The following PBLD variants were observed in gnomAD, a reference collection of about 807,000 sequenced individuals.
The protein encoded by PBLD is phenazine biosynthesis-like domain-containing protein.
Under a neutral mutation model 31.3 loss-of-function variants are expected in PBLD, and 26 were observed. The observed-to-expected ratio is 0.83, with a 90% CI of 0.61 to 1.15. The LOEUF (loss-of-function observed/expected upper bound fraction) is 1.15, where lower values mean the gene tolerates loss of function less well. Ranked by LOEUF, PBLD falls within the 50% of genes most tolerant of loss-of-function variation. PBLD has a pLI of 0.00. For synonymous variants in PBLD, 114 were observed against 129.0 expected, an observed-to-expected ratio of 0.88 and a Z score of 0.79; for missense variants, 307 against 351.7, an observed-to-expected ratio of 0.87 and a Z score of 1.02.
At chr10:68,326,085 T>A (rs1343161452) in intron 1 of PBLD, among the ~76,000 whole-genome samples, 2 of 152,228 alleles carry the variant, frequency 1.3e-5, no homozygotes, top group Admixed American at 1.3e-4. Flanking sequence ...TTTTTGTTTT[T>A]TGAGATGGAG....
In PBLD at chr10:68,322,515, A is replaced by AC. The variant is rs201987660; in HGVS notation, c.-60+10268_-60+10269insG. Among the ~76,000 whole-genome samples, 92 of 151,560 alleles carry AC rather than the reference A, an allele frequency of 6.1e-4. No homozygotes were observed. In the East Asian group the frequency reaches 0.015, roughly 24 times the overall value. On this transcript the variant is annotated intron_variant, in intron 1 of 9. Transcript: ENST00000358769. ...ATCTCGACAAAAAATTAAAAAAAAA[A>AC]AAAACAGGCATGGTGGCACACACCT...
At chr10:68,290,209 G>T (rs1338259961) in intron 6 of PBLD, among the ~76,000 whole-genome samples, 1 of 152,072 alleles carries the variant, frequency 6.6e-6, no homozygotes, top group African/African-American at 2.4e-5. Context: ...GTGGCTTCAG[G>T]TTCTCTAATC....
chr10:68,328,134 G>A (rs1219295524), intron 1 of PBLD, among the ~76,000 whole-genome samples: 3 of 152,068 alleles, frequency 2.0e-5, no homozygotes, highest in African/African-American at 4.8e-5. Flanking sequence ...AGATACATAG[G>A]ATATAAACCA....
At chr10:68,288,154 T>C (rs2044311621) in intron 8 of PBLD, 1 of 283,382 alleles carries the variant, frequency 3.5e-6, no homozygotes, top group Non-Finnish European at 6.6e-6. Flanking sequence ...TGTGCTTTTA[T>C]AGCCCTATGA....
Position 68,308,845 on chromosome 10 carries a change from G to GGTGTGTGTGTGTGTGT in PBLD, c.-59-1958_-59-1943dup, listed in dbSNP as rs374363010. Among the ~76,000 whole-genome samples the GGTGTGTGTGTGTGTGT allele has an allele frequency of 6.4e-3, 838 of 130,380 alleles. 9 individuals are homozygous for GGTGTGTGTGTGTGTGT. Among genetic ancestry groups the GGTGTGTGTGTGTGTGT allele is most frequent in the African/African-American group, 0.016 (568 of 35,128 alleles). 85.5% of individuals were successfully genotyped at this position (130,380 alleles called of 152,430 possible). On this transcript the variant is annotated intron_variant, in intron 1 of 9. Transcript: ENST00000358769. ...GTGCCCCACTGCACCTGACCTGCAT[G>GGTGTGTGTGTGTGTGT]GTGTGTGTGTGTGTGTGTGTGTGTG...
At chr10:68,314,965 T>C (rs2134507616) in intron 1 of PBLD, among the ~76,000 whole-genome samples, 1 of 152,128 alleles carries the variant, frequency 6.6e-6, no homozygotes, top group South Asian at 2.1e-4. Context: ...AGGTTTTGTA[T>C]TTTTAGTTGA....
intron 1 of PBLD, among the ~76,000 whole-genome samples, chr10:68,325,609 A>G (rs943445441): frequency 2.0e-5 from 3 of 152,178 alleles, no homozygotes; most frequent in Non-Finnish European, 4.4e-5. Flanking sequence ...TTGATCATCA[A>G]TCTTAAAAGC....
chr10:68,285,096 A>T (rs994552958), intron 9 of PBLD: 1 of 1,310,326 alleles, frequency 7.6e-7, no homozygotes, highest in Non-Finnish European at 9.7e-7. Context: ...TTATACAGCT[A>T]TTTTATTCAA....
chr10:68,290,621 G>T (rs1444370429), intron 6 of PBLD, among the ~76,000 whole-genome samples: 1 of 152,098 alleles, frequency 6.6e-6, no homozygotes, highest in African/African-American at 2.4e-5. Flanking sequence ...CGAGGCTGAG[G>T]CAGGAGAATT....
At chr10:68,323,751 C>T (rs1011216095) in intron 1 of PBLD, among the ~76,000 whole-genome samples, 6 of 152,144 alleles carry the variant, frequency 3.9e-5, no homozygotes, top group African/African-American at 1.4e-4. Flanking sequence ...AAGTATCCCC[C>T]ACAAAAACAC....
intron 1 of PBLD, chr10:68,331,745 T>C (rs1325783433): frequency 1.3e-5 from 2 of 152,286 alleles, no homozygotes; most frequent in Non-Finnish European, 2.9e-5. Context: ...TCCAGAGCGC[T>C]ACGGCACGGT....
In PBLD at chr10:68,284,156, A is replaced by G; in HGVS notation, c.*21T>C. On this transcript the variant is annotated 3_prime_UTR_variant, in exon 10 of 10. Coordinates refer to ENST00000358769, the MANE Select transcript of PBLD (RefSeq NM_022129.4). Reference sequence around the variant, plus strand: ...AAAATACTTGGTGGTTAGAGACAGCAGCGTCACAGCATAACCACCTCTAGG... The same window carrying G: ...AAAATACTTGGTGGTTAGAGACAGCGGCGTCACAGCATAACCACCTCTAGG... The G allele has an allele frequency of 6.3e-7, 1 of 1,581,952 alleles. No homozygotes were observed. Among genetic ancestry groups the G allele is most frequent in the South Asian group, 1.1e-5 (1 of 89,654 alleles).
chr10:68,290,532 A>G (rs956993481), intron 6 of PBLD, among the ~76,000 whole-genome samples: 2 of 152,152 alleles, frequency 1.3e-5, no homozygotes, highest in Admixed American at 1.3e-4. Context: ...AGCCTGACCA[A>G]CATGGAGACA....
chr10:68,301,970 C>T (rs1374254281), intron 2 of PBLD, among the ~76,000 whole-genome samples: 1 of 152,190 alleles, frequency 6.6e-6, no homozygotes, highest in Non-Finnish European at 1.5e-5. Context: ...AGTAGCAGCC[C>T]ACAACATGTA....
chr10:68,305,446 T>G (rs1266748992), intron 2 of PBLD, among the ~76,000 whole-genome samples: 1 of 151,518 alleles, frequency 6.6e-6, no homozygotes, highest in African/African-American at 2.4e-5. Context: ...CTGGAATCAC[T>G]TGGGGAACTT....
At chr10:68,329,911 C>T (rs2044987696) in intron 1 of PBLD, among the ~76,000 whole-genome samples, 1 of 152,178 alleles carries the variant, frequency 6.6e-6, no homozygotes, top group South Asian at 2.1e-4. Context: ...AGCTCTACCA[C>T]TCAACTGTGT....
At chr10:68,289,128 C>T in intron 6 of PBLD, 109 bp from the exon 7 acceptor site, 1 of 772,252 alleles carries the variant, frequency 1.3e-6, no homozygotes, top group South Asian at 1.6e-5. Context: ...GCCAAGCATG[C>T]CCATCGTCTC....
At chr10:68,327,309 C>T (rs530169949) in intron 1 of PBLD, among the ~76,000 whole-genome samples, 61 of 152,190 alleles carry the variant, frequency 4.0e-4, no homozygotes, top group Non-Finnish European at 7.8e-4. Flanking sequence ...GTGTGACCAT[C>T]GTTATTTTTT....
intron 1 of PBLD, among the ~76,000 whole-genome samples, chr10:68,330,754 G>T (rs879320680): frequency 7.8e-6 from 1 of 128,740 alleles, no homozygotes; most frequent in Non-Finnish European, 1.7e-5. Context: ...GTGTGTGTGT[G>T]TGTATTTTTA....
Sources: allele counts gnomAD v4.1 joint callset (sites outside exome capture counted in the v4.1 genomes callset), GRCh38; gene constraint gnomAD v4.1.1; transcripts MANE v1.5; gene names NCBI Gene and HGNC (gene_info 2026-07-23, HGNC 2026-07-21).